The following CNKSR2 variants were observed in gnomAD, a reference collection of about 807,000 sequenced individuals.
The protein encoded by CNKSR2 is connector enhancer of kinase suppressor of Ras 2.
Under a neutral mutation model 84.4 loss-of-function variants are expected in CNKSR2, and 14 were observed. That is an observed-to-expected ratio of 0.17 (90% CI 0.11 to 0.26). CNKSR2 has a LOEUF of 0.26. Ranked by LOEUF, CNKSR2 falls within the 10% of genes least tolerant of loss-of-function variation. The pLI is 1.00. For missense variants in CNKSR2, 485 were observed against 771.2 expected, an observed-to-expected ratio of 0.63 and a Z score of 4.40; for synonymous variants, 275 against 277.9, an observed-to-expected ratio of 0.99 and a Z score of 0.10.
rs139714319 is a variant in CNKSR2, at chrX:21,483,899, C to A, written c.562-6560C>A. ...ATATTTTATAAAAAACAAAGCCTCC[C>A]TTGTTCCCCCAGTACAATGCACATG... On this transcript the variant is annotated intron_variant, in intron 5 of 21. Transcript: ENST00000379510. 9.5e-3 allele frequency among the ~76,000 whole-genome samples: 1,061 copies of A among 111,431 alleles called. 12 individuals are homozygous for A. The highest frequency in any genetic ancestry group is 0.031 in the African/African-American group (959 of 30,729).
At chrX:21,450,655 G>A (rs1321761105) in intron 4 of CNKSR2, among the ~76,000 whole-genome samples, 1 of 110,859 alleles carries the variant, frequency 9.0e-6, no homozygotes, top group African/African-American at 3.3e-5. Context: ...GTTTTGCTTT[G>A]CACCCTTTAT....
chrX:21,647,128 G>A (rs1313545370), intron 20 of CNKSR2, among the ~76,000 whole-genome samples: 1 of 111,952 alleles, frequency 8.9e-6, no homozygotes, highest in Non-Finnish European at 1.9e-5. Context: ...TTTAAAAGCT[G>A]TTATTTAAAG....
chrX:21,442,304 A>G (rs1156598120), intron 4 of CNKSR2, among the ~76,000 whole-genome samples: 1 of 110,633 alleles, frequency 9.0e-6, no homozygotes, highest in Non-Finnish European at 1.9e-5. Flanking sequence ...TAGAATTCTC[A>G]CAAAGAACTG....
chrX:21,544,974 A>G (rs2092010545), intron 11 of CNKSR2, among the ~76,000 whole-genome samples: 1 of 111,432 alleles, frequency 9.0e-6, no homozygotes, highest in African/African-American at 3.3e-5. Context: ...GTTTGGGCAG[A>G]CACCAAGCTA....
chrX:21,631,858 T>C (rs1311627249), intron 20 of CNKSR2, among the ~76,000 whole-genome samples: 1 of 112,124 alleles, frequency 8.9e-6, no homozygotes, highest in Non-Finnish European at 1.9e-5. Flanking sequence ...ACCATAATTA[T>C]TATTACCGAG....
At chrX:21,426,861 C>T (rs1161699275) in intron 2 of CNKSR2, 1 of 425,585 alleles carries the variant, frequency 2.3e-6, no homozygotes, top group Non-Finnish European at 3.9e-6. Context: ...TTTGTAACAT[C>T]TTTTATAACA....
chrX:21,401,746 A>C (rs2090194440), intron 1 of CNKSR2, among the ~76,000 whole-genome samples: 1 of 111,850 alleles, frequency 8.9e-6, no homozygotes, highest in South Asian at 3.7e-4. Flanking sequence ...TGGAAGGAAC[A>C]AAGAAACAGA....
chrX:21,625,863 C>A (rs2092620854), intron 20 of CNKSR2, among the ~76,000 whole-genome samples: 1 of 111,684 alleles, frequency 9.0e-6, no homozygotes, highest in Non-Finnish European at 1.9e-5. Flanking sequence ...GAAGTCTATT[C>A]AGTGTTCAGC....
chrX:21,430,311 A>T (rs1399974603), intron 2 of CNKSR2, among the ~76,000 whole-genome samples: 1 of 111,459 alleles, frequency 9.0e-6, no homozygotes, highest in Non-Finnish European at 1.9e-5. Flanking sequence ...TAGTTTCTTA[A>T]ATTTTGAAGA....
At chrX:21,511,604 G>T (rs2091671807) in intron 8 of CNKSR2, among the ~76,000 whole-genome samples, 1 of 110,579 alleles carries the variant, frequency 9.0e-6, no homozygotes, top group African/African-American at 3.3e-5. Context: ...GATTTTATAA[G>T]TGAGAGAAAA....
chrX:21,578,549 G>GTTT (rs199558488), intron 13 of CNKSR2, among the ~76,000 whole-genome samples: 2 of 83,122 alleles, frequency 2.4e-5, no homozygotes, highest in African/African-American at 4.3e-5. Flanking sequence ...CTACTTACCT[G>GTTT]TTTTTTTTTT....
intron 20 of CNKSR2, among the ~76,000 whole-genome samples, chrX:21,634,216 T>A (rs189168111): frequency 8.9e-6 from 1 of 112,320 alleles, no homozygotes; most frequent in African/African-American, 3.2e-5. Context: ...AATAAAAGAA[T>A]GTGAAAATAC....
At chrX:21,515,883 C>T (rs1490262591) in intron 8 of CNKSR2, among the ~76,000 whole-genome samples, 2 of 111,822 alleles carry the variant, frequency 1.8e-5, no homozygotes, top group Non-Finnish European at 3.8e-5. Context: ...ATAGCTGCTT[C>T]ATTGGAGTAG....
chrX:21,439,208 G>T (rs761856041), intron 3 of CNKSR2, among the ~76,000 whole-genome samples: 10 of 110,646 alleles, frequency 9.0e-5, no homozygotes, highest in African/African-American at 3.3e-4. Context: ...AAGTTTAAAA[G>T]AATTGAAATC....
chrX:21,608,953 A>G (rs2092533775), intron 19 of CNKSR2, 118 bp from the exon 20 acceptor site: 2 of 1,014,426 alleles, frequency 2.0e-6, no homozygotes, highest in African/African-American at 3.8e-5. Flanking sequence ...CTAGTCATTA[A>G]CATGACTACG....
At chrX:21,633,188 T>C (rs1018277871) in intron 20 of CNKSR2, among the ~76,000 whole-genome samples, 4 of 111,377 alleles carry the variant, frequency 3.6e-5, no homozygotes, top group African/African-American at 1.3e-4. Context: ...TTAAGTGGTG[T>C]TGGGAATCCC....
chrX:21,560,291 T>G (rs2092176419), intron 11 of CNKSR2, among the ~76,000 whole-genome samples: 1 of 110,998 alleles, frequency 9.0e-6, no homozygotes, highest in Admixed American at 9.6e-5. Context: ...GGCCAGACTC[T>G]CAGAGGGTGA....
At chrX:21,388,335 G>A (rs1850980089) in intron 1 of CNKSR2, among the ~76,000 whole-genome samples, 1 of 112,399 alleles carries the variant, frequency 8.9e-6, no homozygotes, top group Non-Finnish European at 1.9e-5. Flanking sequence ...AATATTAGGA[G>A]AAATGTTAAT....
intron 9 of CNKSR2, among the ~76,000 whole-genome samples, chrX:21,521,069 A>T (rs1308860369): frequency 9.1e-6 from 1 of 110,410 alleles, no homozygotes; most frequent in Non-Finnish European, 1.9e-5. Flanking sequence ...ATACATAGAG[A>T]TATGAATGGT....
Sources: allele counts gnomAD v4.1 joint callset (sites outside exome capture counted in the v4.1 genomes callset), GRCh38; gene constraint gnomAD v4.1.1; transcripts MANE v1.5; gene names NCBI Gene and HGNC (gene_info 2026-07-23, HGNC 2026-07-21).